Variants in PTPRT observed in about 807,000 individuals in gnomAD.
The protein encoded by PTPRT is protein tyrosine phosphatase receptor type T.
PTPRT carries 56 observed loss-of-function variants against 176.8 expected under a neutral mutation model. The observed-to-expected ratio is 0.32, with a 90% CI of 0.26 to 0.40. PTPRT has a LOEUF of 0.40. Among genes scored for constraint, PTPRT ranks in the 10% least tolerant of loss-of-function variants. The probability of loss-of-function intolerance (pLI) is 1.00; values close to 1 mark genes in which losing one functional copy is unlikely to be tolerated. For synonymous variants in PTPRT, 783 were observed against 739.0 expected, an observed-to-expected ratio of 1.06 and a Z score of -0.96; for missense variants, 1,540 against 1,908.2, an observed-to-expected ratio of 0.81 and a Z score of 3.60.
intron 6 of PTPRT, among the ~76,000 whole-genome samples, chr20:42,691,210 C>T (rs1026099266): frequency 2.0e-5 from 3 of 152,136 alleles, no homozygotes; most frequent in Admixed American, 6.5e-5. Context: ...ACAGTAGCTG[C>T]CATAGCAGAA....
intron 8 of PTPRT, among the ~76,000 whole-genome samples, chr20:42,448,713 C>G (rs989242996): frequency 6.6e-6 from 1 of 152,096 alleles, no homozygotes; most frequent in Non-Finnish European, 1.5e-5. Context: ...TGAGCAGTTT[C>G]CAGTTCTGCC....
At chr20:43,036,851 T>TA (rs1986400721) in intron 1 of PTPRT, among the ~76,000 whole-genome samples, 2 of 152,058 alleles carry the variant, frequency 1.3e-5, no homozygotes, top group African/African-American at 4.8e-5. Flanking sequence ...AATGAAAATT[T>TA]AAAAAAATGG....
intron 7 of PTPRT, among the ~76,000 whole-genome samples, chr20:42,625,903 T>G (rs993058156): frequency 3.0e-5 from 4 of 133,682 alleles, no homozygotes; most frequent in African/African-American, 8.4e-5. Flanking sequence ...CTGATTTTGA[T>G]GAAAAGTTCC....
intron 7 of PTPRT, among the ~76,000 whole-genome samples, chr20:42,525,084 C>A (rs1156653569): frequency 1.3e-5 from 2 of 152,092 alleles, no homozygotes; most frequent in Non-Finnish European, 2.9e-5. Flanking sequence ...ACCTCCCGGG[C>A]CCAAGCTATT....
chr20:42,557,984 T>C lies in PTPRT; in HGVS notation c.1154-85422A>G, dbSNP rs375213384. Reference sequence around the variant, plus strand: ...GTAGTTAGTATTGTCACTGTTGGTGTTTGTTTTAAACTTTTACATTCAGGG... The same window carrying C: ...GTAGTTAGTATTGTCACTGTTGGTGCTTGTTTTAAACTTTTACATTCAGGG... On this transcript the variant is annotated intron_variant, in intron 7 of 30. Transcript: ENST00000373187. 3.0e-3 allele frequency among the ~76,000 whole-genome samples: 464 copies of C among 152,340 alleles called. 19 individuals carry two copies. In the South Asian group the frequency reaches 0.092, roughly 30 times the overall value.
rs1347070532 is a variant in PTPRT, at chr20:42,106,772, C to T, written c.3390+14G>A. On this transcript the variant is annotated intron_variant, in intron 24 of 30. Transcript: ENST00000373187. ...GCTACAGGTGGCCAACTGTCTTGGC[C>T]CCCTAGGACTCACCTCTGTCTGTAC... 3 of 1,610,192 alleles carry T rather than the reference C, an allele frequency of 1.9e-6. No homozygotes were observed. The highest frequency in any genetic ancestry group is 1.1e-5 in the South Asian group (1 of 90,384).
At chr20:42,788,433 T>A (rs2077324111) in intron 3 of PTPRT, among the ~76,000 whole-genome samples, 1 of 152,178 alleles carries the variant, frequency 6.6e-6, no homozygotes, top group South Asian at 2.1e-4. Flanking sequence ...TTATTTCTGC[T>A]CTCTTCCTAA....
intron 2 of PTPRT, among the ~76,000 whole-genome samples, chr20:42,815,342 G>A (rs999656362): frequency 2.6e-5 from 4 of 152,154 alleles, no homozygotes; most frequent in South Asian, 2.1e-4. Context: ...GGAGCTTAGC[G>A]TTTGTCAGAT....
chr20:42,527,369 G>A (rs1407078294), intron 7 of PTPRT, among the ~76,000 whole-genome samples: 3 of 152,084 alleles, frequency 2.0e-5, no homozygotes, highest in East Asian at 1.9e-4. Context: ...AATTGACATC[G>A]AAGGGATTAT....
rs533294105 is a variant in PTPRT, at chr20:42,734,461, C to A, written c.859+22001G>T. 4.6e-5 allele frequency among the ~76,000 whole-genome samples: 7 copies of A among 152,268 alleles called. No homozygotes were observed. In the South Asian group the frequency reaches 1.0e-3, roughly 23 times the overall value. ...GCTGTTCTTCAAGGCCCACTGACCA[C>A]AACCTAATGGAGAGCTGAGGCTGCC... is the stretch of plus-strand genomic sequence containing the variant. On this transcript the variant is annotated intron_variant, in intron 6 of 30. Coordinates refer to ENST00000373187, the MANE Select transcript of PTPRT (RefSeq NM_007050.6).
chr20:42,242,203 C>T (rs1381175148), intron 14 of PTPRT, among the ~76,000 whole-genome samples: 2 of 152,174 alleles, frequency 1.3e-5, no homozygotes, highest in Non-Finnish European at 2.9e-5. Context: ...CCTTGCCTTG[C>T]CACCCTCCTA....
chr20:42,998,279 T>C (rs1327349324), intron 1 of PTPRT, among the ~76,000 whole-genome samples: 1 of 152,154 alleles, frequency 6.6e-6, no homozygotes, highest in Non-Finnish European at 1.5e-5. Context: ...CGTATTCAAT[T>C]ACCATAAAGT....
chr20:42,272,714 C>CGT (rs2056958217), intron 13 of PTPRT, among the ~76,000 whole-genome samples: 2 of 111,506 alleles, frequency 1.8e-5, no homozygotes, highest in African/African-American at 3.9e-5. Flanking sequence ...TGCACACACA[C>CGT]GTGCGCGCAC....
In PTPRT at chr20:42,098,495, C is replaced by T; in HGVS notation, c.3772G>A (p.Ala1258Thr). The T allele has an allele frequency of 6.2e-7, 1 of 1,614,198 alleles. No homozygotes were observed. The highest frequency in any genetic ancestry group is 8.5e-7 in the Non-Finnish European group (1 of 1,180,038). The change falls in exon 27 of 31, where the codon GCA becomes ACA. Residue 1258 changes from alanine to threonine, a missense_variant. Transcript: ENST00000373187. The part of the protein sequence containing the change: ...VTQHPLPNTV[A>T]DFWRLVFDYN... ...TCGAACACCAGCCTCCAGAAGTCTG[C>T]CACGGTGTTGGGTAGAGGGTGCTGG...
intron 2 of PTPRT, among the ~76,000 whole-genome samples, chr20:42,838,935 C>A (rs1217855021): frequency 6.6e-6 from 1 of 152,102 alleles, no homozygotes; most frequent in Non-Finnish European, 1.5e-5. Flanking sequence ...AGACTTGAGG[C>A]TCCTACACCT....
intron 13 of PTPRT, among the ~76,000 whole-genome samples, chr20:42,276,534 TATATATATATATA>T (rs1568731730): frequency 0.018 from 927 of 50,228 alleles, 49 homozygotes; most frequent in African/African-American, 0.049. Context: ...TATATATATA[TATATATATATATA>T]TATATATATA....
intron 6 of PTPRT, among the ~76,000 whole-genome samples, chr20:42,699,725 A>G (rs988932306): frequency 1.3e-5 from 2 of 152,096 alleles, no homozygotes; most frequent in African/African-American, 4.8e-5. Flanking sequence ...CCCCTACAAG[A>G]GAGTCATCAC....
At chr20:42,091,361 A>G (rs544407851) in intron 27 of PTPRT, among the ~76,000 whole-genome samples, 80 of 152,308 alleles carry the variant, frequency 5.3e-4, no homozygotes, top group South Asian at 2.7e-3. Flanking sequence ...GCTTGTTATC[A>G]CTGGAATAAA....
chr20:42,418,871 A>C (rs2059090409), intron 9 of PTPRT, among the ~76,000 whole-genome samples: 1 of 152,140 alleles, frequency 6.6e-6, no homozygotes, highest in Non-Finnish European at 1.5e-5. Flanking sequence ...TGAATCTCCT[A>C]TCTCCTCTTG....
Sources: allele counts gnomAD v4.1 joint callset (sites outside exome capture counted in the v4.1 genomes callset), GRCh38; gene constraint gnomAD v4.1.1; transcripts MANE v1.5; gene names NCBI Gene and HGNC (gene_info 2026-07-23, HGNC 2026-07-21).